Variants in LHPP observed in about 807,000 individuals in gnomAD.
The protein encoded by LHPP is hLHPP.
Under a neutral mutation model 30.3 loss-of-function variants are expected in LHPP, and 24 were observed. That is an observed-to-expected ratio of 0.79 (90% confidence interval 0.57 to 1.11). The LOEUF (loss-of-function observed/expected upper bound fraction) is 1.11. Ranked by LOEUF, LHPP falls within the 50% of genes most tolerant of loss-of-function variation. The pLI is 0.00. For synonymous variants in LHPP, 150 were observed against 157.1 expected (o/e 0.95, Z 0.34); for missense variants, 356 against 367.2 (o/e 0.97, Z 0.25).
intron 6 of LHPP, among the ~76,000 whole-genome samples, chr10:124,525,429 G>T (rs1189084561): frequency 6.6e-6 from 1 of 152,200 alleles, no homozygotes; most frequent in Non-Finnish European, 1.5e-5. Flanking sequence ...CACCACGGGG[G>T]GACCCTGTTG....
intron 1 of LHPP, among the ~76,000 whole-genome samples, chr10:124,467,302 G>A (rs1288224609): frequency 1.3e-5 from 2 of 151,276 alleles, no homozygotes; most frequent in Non-Finnish European, 1.5e-5. Context: ...TGGGACCTGC[G>A]GACATACGGG....
intron 5 of LHPP, among the ~76,000 whole-genome samples, chr10:124,511,603 G>C (rs1954299743): frequency 6.6e-6 from 1 of 152,184 alleles, no homozygotes; most frequent in African/African-American, 2.4e-5. Flanking sequence ...GCTTCTCTGA[G>C]GGAGGCCCCT....
intron 1 of LHPP, among the ~76,000 whole-genome samples, chr10:124,468,136 C>T (rs1007418267): frequency 1.2e-4 from 19 of 152,248 alleles, no homozygotes; most frequent in African/African-American, 4.3e-4. Flanking sequence ...ATGACCCCCA[C>T]GTGATATAGA....
chr10:124,497,179 G>A (rs934375841), intron 4 of LHPP, among the ~76,000 whole-genome samples, 155 bp downstream of exon 4: 4 of 149,808 alleles, frequency 2.7e-5, no homozygotes, highest in African/African-American at 2.5e-5. Context: ...TCCCCTGGCC[G>A]GGCCCTCGGG....
At chr10:124,516,608 G>GT (rs1954460407) in intron 5 of LHPP, among the ~76,000 whole-genome samples, 1 of 152,100 alleles carries the variant, frequency 6.6e-6, no homozygotes, top group Admixed American at 6.6e-5. Flanking sequence ...TGGTTTTCTG[G>GT]TTTTTTCAGG....
At chr10:124,585,570 G>A (rs1346640479) in intron 6 of LHPP, among the ~76,000 whole-genome samples, 10 of 151,116 alleles carry the variant, frequency 6.6e-5, no homozygotes, top group African/African-American at 2.2e-4. Flanking sequence ...AGCTGAGATC[G>A]CGCCATCACA....
Position 124,478,436 on chromosome 10 carries a change from G to C in LHPP, c.126-5703G>C, listed in dbSNP as rs566964842. Among the ~76,000 whole-genome samples the C allele has an allele frequency of 6.6e-6, 1 of 152,302 alleles. No homozygotes were observed. Among genetic ancestry groups the C allele is most frequent in the African/African-American group, 2.4e-5 (1 of 41,564 alleles). On this transcript the variant is annotated intron_variant, in intron 1 of 6. Coordinates refer to ENST00000368842, the MANE Select transcript of LHPP (RefSeq NM_022126.4). The surrounding 1 kb of genome is among the most constrained non-coding windows in gnomAD (Gnocchi z 4.7). ...CCTGAGGCCCCCTGCTGCCTGCCCA[G>C]TCTCCCCTCCGAGGGATCCCATTCT...
chr10:124,542,899 T>C (rs1955234137), intron 6 of LHPP, among the ~76,000 whole-genome samples: 2 of 152,216 alleles, frequency 1.3e-5, no homozygotes, highest in African/African-American at 4.8e-5. Flanking sequence ...CCTGCACATC[T>C]AGGCCCCGTC....
intron 6 of LHPP, among the ~76,000 whole-genome samples, chr10:124,565,764 G>A (rs550085776): frequency 3.3e-5 from 5 of 152,324 alleles, no homozygotes; most frequent in Admixed American, 1.3e-4. Context: ...CCTGGAGACC[G>A]CTTTGGCCTT....
chr10:124,478,925 C>T lies in LHPP; in HGVS notation c.126-5214C>T, dbSNP rs1298734197. Among the ~76,000 whole-genome samples, 15 of 152,064 alleles carry T rather than the reference C, an allele frequency of 9.9e-5. 1 individual carries two copies. Among genetic ancestry groups the T allele is most frequent in the Admixed American group, 2.0e-4 (3 of 15,266 alleles). On this transcript the variant is annotated intron_variant, in intron 1 of 6. Coordinates refer to ENST00000368842, the MANE Select transcript of LHPP (RefSeq NM_022126.4). This position sits in a 1 kb window ranked among gnomAD's most constrained non-coding sequence, Gnocchi z 4.7. ...CTCTACTAAAAATATAAAAATTAGC[C>T]GGGCATGGTGGTGGGCACCTGTAAT...
chr10:124,538,277 C>T (rs897246890), intron 6 of LHPP, among the ~76,000 whole-genome samples: 3 of 152,226 alleles, frequency 2.0e-5, no homozygotes, highest in African/African-American at 7.2e-5. Flanking sequence ...GGTCACTCTC[C>T]CTGGGGTCTG....
intron 6 of LHPP, among the ~76,000 whole-genome samples, chr10:124,527,585 T>A (rs542614432): frequency 6.6e-6 from 1 of 152,122 alleles, no homozygotes; most frequent in African/African-American, 2.4e-5. Flanking sequence ...CCCCGGGTGC[T>A]CTCCCTGACT....
At position 124,465,207 on chromosome 10, in the gene LHPP, G is replaced by A. The variant is rs186873086; in HGVS notation, c.125+3220G>A. ...GTCTGCAGGAAGAGGCGGAGGAAGC[G>A]CATTCCAGGCAGAAGGAATGGTAGC... is the stretch of plus-strand genomic sequence containing the variant. On this transcript the variant is annotated intron_variant, in intron 1 of 6. Transcript: ENST00000368842. Among the ~76,000 whole-genome samples, 75 of 152,190 alleles carry A rather than the reference G, an allele frequency of 4.9e-4. 1 individual carries two copies. Among genetic ancestry groups the A allele is most frequent in the African/African-American group, 1.8e-3 (75 of 41,520 alleles).
chr10:124,559,459 C>G (rs1168253281), intron 6 of LHPP, among the ~76,000 whole-genome samples: 3 of 152,204 alleles, frequency 2.0e-5, no homozygotes, highest in Non-Finnish European at 4.4e-5. Flanking sequence ...ATTTGGGTCC[C>G]AGGTTCCCCA....
At chr10:124,561,715 T>G (rs1286296361) in intron 6 of LHPP, among the ~76,000 whole-genome samples, 1 of 151,566 alleles carries the variant, frequency 6.6e-6, no homozygotes, top group Non-Finnish European at 1.5e-5. Context: ...AAGGCAGCAC[T>G]ACCCTCTTCC....
rs1024370849 is a variant in LHPP at position 124,593,693 on chromosome 10, C to T, written c.717-19571C>T. Among the ~76,000 whole-genome samples the T allele has an allele frequency of 2.6e-5, 4 of 152,238 alleles. No individual in the cohort carries two copies. Among genetic ancestry groups the T allele is most frequent in the African/African-American group, 7.2e-5 (3 of 41,472 alleles). On this transcript the variant is annotated intron_variant, in intron 6 of 6. Transcript: ENST00000368842. This position sits in a 1 kb window ranked among gnomAD's most constrained non-coding sequence, Gnocchi z 4.9. ...GACCCAAACGCGACGTCCCCAGTGGCGGTGGCTGAGGAGAGGGGTTGGGGC... is the reference window on the plus strand; with the variant it reads ...GACCCAAACGCGACGTCCCCAGTGGTGGTGGCTGAGGAGAGGGGTTGGGGC...
intron 6 of LHPP, among the ~76,000 whole-genome samples, chr10:124,546,680 A>G (rs368124906): frequency 3.3e-4 from 50 of 151,488 alleles, no homozygotes; most frequent in East Asian, 1.8e-3. Context: ...AAAGTGCTGG[A>G]ATTACAGGCG....
intron 5 of LHPP, among the ~76,000 whole-genome samples, chr10:124,499,016 G>A (rs1164248495): frequency 6.6e-6 from 1 of 151,580 alleles, no homozygotes; most frequent in Admixed American, 6.6e-5. Flanking sequence ...TGATGAGCTG[G>A]GACTACAGGT....
chr10:124,477,495 C>G (rs1952987008), intron 1 of LHPP, among the ~76,000 whole-genome samples: 1 of 152,164 alleles, frequency 6.6e-6, no homozygotes, highest in Non-Finnish European at 1.5e-5. Context: ...AACCCCACTC[C>G]CTGGGAACCA....
Sources: gnomAD v4.1 joint callset for allele counts (sites outside exome capture counted in the v4.1 genomes callset) on GRCh38, gnomAD v4.1.1 for gene constraint, Gnocchi (gnomAD v3.1) non-coding constraint, MANE v1.5 for transcripts, NCBI Gene and HGNC (gene_info 2026-07-23, HGNC 2026-07-21) for gene names.